The following PRKG1 variants were observed in gnomAD, a reference collection of about 807,000 sequenced individuals.
PRKG1 encodes the protein protein kinase cGMP-dependent 1, also known as cGMP-dependent protein kinase 1.
Under a neutral mutation model 88.1 loss-of-function variants are expected in PRKG1, and 35 were observed. The ratio of observed to expected loss-of-function variants is 0.40; its 90% confidence interval spans 0.30 to 0.53. The LOEUF (loss-of-function observed/expected upper bound fraction) is 0.53, where lower values mean the gene tolerates loss of function less well. Among genes scored for constraint, PRKG1 ranks in the 20% least tolerant of loss-of-function variants. The pLI is 0.59. For missense variants in PRKG1, 540 were observed against 839.8 expected, an observed-to-expected ratio of 0.64 and a Z score of 4.41; for synonymous variants, 303 against 292.5, an observed-to-expected ratio of 1.04 and a Z score of -0.37.
intron 3 of PRKG1, among the ~76,000 whole-genome samples, chr10:51,734,556 A>C (rs993036104): frequency 5.9e-5 from 9 of 152,186 alleles, no homozygotes; most frequent in African/African-American, 2.2e-4. Context: ...TTGAGAAGGA[A>C]TGTCCAATAC....
At chr10:51,238,272 AC>A (rs959157066) in intron 2 of PRKG1, among the ~76,000 whole-genome samples, 3 of 152,076 alleles carry the variant, frequency 2.0e-5, no homozygotes, top group African/African-American at 7.2e-5. Flanking sequence ...GTTGCTATAG[AC>A]CATTTTGTGC....
chr10:51,208,517 T>C (rs1312952733), intron 2 of PRKG1, among the ~76,000 whole-genome samples: 1 of 152,208 alleles, frequency 6.6e-6, no homozygotes. Flanking sequence ...AAGCTTCCTT[T>C]CTGTAATATT....
At chr10:51,564,346 T>C (rs1246008427) in intron 3 of PRKG1, among the ~76,000 whole-genome samples, 2 of 152,096 alleles carry the variant, frequency 1.3e-5, no homozygotes, top group African/African-American at 4.8e-5. Context: ...GTAAATGCTA[T>C]AGAGAGAAAT....
intron 1 of PRKG1, among the ~76,000 whole-genome samples, chr10:51,136,335 T>G (rs1589184341): frequency 6.6e-6 from 1 of 152,062 alleles, no homozygotes; most frequent in African/African-American, 2.4e-5. Flanking sequence ...GGTACCTATG[T>G]AGGCAAGAAT....
chr10:51,595,544 C>T (rs1183767402), intron 3 of PRKG1, among the ~76,000 whole-genome samples: 1 of 148,610 alleles, frequency 6.7e-6, no homozygotes, highest in Non-Finnish European at 1.5e-5. Flanking sequence ...GCAGGAGAAT[C>T]GCTTGAACCT....
intron 3 of PRKG1, among the ~76,000 whole-genome samples, chr10:51,498,731 T>C (rs529984670): frequency 1.3e-5 from 2 of 152,294 alleles, no homozygotes; most frequent in East Asian, 3.9e-4. Context: ...ATCTCTTAAG[T>C]GGGTGAGGAA....
At chr10:51,115,734 C>G (rs4403758) in intron 1 of PRKG1, among the ~76,000 whole-genome samples, 119,995 of 150,524 alleles carry the variant, frequency 0.8, 48,366 homozygotes, top group South Asian at 0.88. Flanking sequence ...CTATTCGGGA[C>G]GCTGAGGGGG....
chr10:52,147,578 C>A (rs1443640151), intron 8 of PRKG1, among the ~76,000 whole-genome samples: 1 of 152,098 alleles, frequency 6.6e-6, no homozygotes, highest in Non-Finnish European at 1.5e-5. Context: ...TTTATACCAA[C>A]AAAGTAAGTG....
intron 3 of PRKG1, among the ~76,000 whole-genome samples, chr10:51,525,302 C>A (rs975113162): frequency 1.6e-4 from 25 of 152,110 alleles, no homozygotes; most frequent in Non-Finnish European, 1.5e-4. Context: ...AAAACCTTAA[C>A]ATCTAGAATT....
intron 2 of PRKG1, among the ~76,000 whole-genome samples, chr10:51,204,615 C>G (rs1256518933): frequency 1.3e-5 from 2 of 152,112 alleles, no homozygotes; most frequent in Non-Finnish European, 2.9e-5. Context: ...AGGTCAAAAA[C>G]CTGTGGATAT....
intron 5 of PRKG1, among the ~76,000 whole-genome samples, chr10:51,985,885 G>A (rs1376732703): frequency 6.6e-6 from 1 of 152,120 alleles, no homozygotes; most frequent in Non-Finnish European, 1.5e-5. Context: ...TGGAAATATT[G>A]AAGTCAAAAA....
chr10:51,169,811 A>G (rs564235457), intron 2 of PRKG1, among the ~76,000 whole-genome samples: 1 of 152,250 alleles, frequency 6.6e-6, no homozygotes, highest in South Asian at 2.1e-4. Flanking sequence ...CATTTGTCAC[A>G]TAATATATGT....
At chr10:51,323,026 C>G (rs1841495182) in intron 2 of PRKG1, among the ~76,000 whole-genome samples, 1 of 152,056 alleles carries the variant, frequency 6.6e-6, no homozygotes, top group Non-Finnish European at 1.5e-5. Context: ...TTTATATTGT[C>G]ATTATATTCA....
intron 1 of PRKG1, among the ~76,000 whole-genome samples, chr10:51,090,680 G>A (rs1406064359): frequency 6.6e-6 from 1 of 152,170 alleles, no homozygotes; most frequent in African/African-American, 2.4e-5. Flanking sequence ...GCAGATACAT[G>A]TATGTGAAAT....
intron 3 of PRKG1, among the ~76,000 whole-genome samples, chr10:51,500,754 G>A (rs930118159): frequency 2.6e-5 from 4 of 152,120 alleles, no homozygotes; most frequent in Non-Finnish European, 5.9e-5. Flanking sequence ...GGTCCTGGAG[G>A]AGCTATCAAT....
At chr10:52,009,965 C>G (rs1844839898) in intron 5 of PRKG1, among the ~76,000 whole-genome samples, 1 of 152,028 alleles carries the variant, frequency 6.6e-6, no homozygotes. Flanking sequence ...AACTGGCTAG[C>G]CATATATGGA....
intron 2 of PRKG1, among the ~76,000 whole-genome samples, chr10:51,459,387 T>C (rs1340563057): frequency 6.6e-6 from 1 of 152,174 alleles, no homozygotes; most frequent in Non-Finnish European, 1.5e-5. Context: ...CTGTAACCTC[T>C]AGCTTCTTCA....
At chr10:51,551,092 T>C (rs1837118113) in intron 3 of PRKG1, among the ~76,000 whole-genome samples, 1 of 151,918 alleles carries the variant, frequency 6.6e-6, no homozygotes, top group African/African-American at 2.4e-5. Context: ...TTTTTAAATA[T>C]GTTCTGTGTG....
chr10:52,218,628 A>T (rs912907634), intron 9 of PRKG1, among the ~76,000 whole-genome samples: 1 of 152,190 alleles, frequency 6.6e-6, no homozygotes, highest in African/African-American at 2.4e-5. Context: ...TTAGACTTTT[A>T]AAAATTATAT....
Sources: gnomAD v4.1 joint callset for allele counts (sites outside exome capture counted in the v4.1 genomes callset) on GRCh38, gnomAD v4.1.1 for gene constraint, MANE v1.5 for transcripts, NCBI Gene and HGNC (gene_info 2026-07-23, HGNC 2026-07-21) for gene names.